The following FNIP2 variants were observed in gnomAD, a reference collection of about 807,000 sequenced individuals.
FNIP2 encodes the protein folliculin-interacting protein 2.
FNIP2 carries 32 observed loss-of-function variants against 108.7 expected under a neutral mutation model. That is an observed-to-expected ratio of 0.29 (90% confidence interval 0.22 to 0.40). The LOEUF (loss-of-function observed/expected upper bound fraction) is 0.40, where lower values mean the gene tolerates loss of function less well. FNIP2 is among the 10% of genes least tolerant of loss of function. FNIP2 has a pLI of 1.00. For missense variants in FNIP2, 1,202 were observed against 1,381.6 expected (o/e 0.87, Z 2.06); for synonymous variants, 480 against 496.7 (o/e 0.97, Z 0.45).
chr4:158,900,758 G>A (rs768942057), intron 16 of FNIP2, among the ~76,000 whole-genome samples: 10 of 152,146 alleles, frequency 6.6e-5, no homozygotes, highest in Admixed American at 1.3e-4. Context: ...CCTGAATACA[G>A]CACAATCATG....
In FNIP2 at chr4:158,776,320, A is replaced by G. The variant is rs114714461; in HGVS notation, c.107+7001A>G. 6.0e-4 allele frequency among the ~76,000 whole-genome samples: 91 copies of G among 152,368 alleles called. 1 individual carries two copies. Among genetic ancestry groups the G allele is most frequent in the African/African-American group, 2.1e-3 (89 of 41,586 alleles). On this transcript the variant is annotated intron_variant, in intron 1 of 16. Coordinates refer to ENST00000264433, the MANE Select transcript of FNIP2 (RefSeq NM_020840.3). ...ACAAGTTGAAGACAAGTTAGACGTTAACCTGCACATTCCTCAAGAGATGAA... is the reference window on the plus strand; with the variant it reads ...ACAAGTTGAAGACAAGTTAGACGTTGACCTGCACATTCCTCAAGAGATGAA...
intron 7 of FNIP2, among the ~76,000 whole-genome samples, chr4:158,846,590 G>T (rs947071951): frequency 1.3e-5 from 2 of 152,138 alleles, no homozygotes; most frequent in Non-Finnish European, 2.9e-5. Context: ...GGTCTTCTCT[G>T]TCTTGTGTTG....
intron 14 of FNIP2, among the ~76,000 whole-genome samples, chr4:158,875,125 A>G (rs2126724695): frequency 6.6e-6 from 1 of 151,950 alleles, no homozygotes; most frequent in Middle Eastern, 3.4e-3. Context: ...AAAGAAAGCT[A>G]TATGCGTATG....
intron 14 of FNIP2, among the ~76,000 whole-genome samples, chr4:158,888,631 A>T (rs1027759566): frequency 6.6e-5 from 10 of 152,158 alleles, no homozygotes; most frequent in Non-Finnish European, 1.5e-5. Flanking sequence ...TTGTGAGCCT[A>T]TAATCCCAAC....
At chr4:158,835,348 T>A in intron 6 of FNIP2, 57 bp from the exon 7 acceptor site, 1 of 1,508,200 alleles carries the variant, frequency 6.6e-7, no homozygotes, top group Admixed American at 1.7e-5. Flanking sequence ...GCAGTCATTT[T>A]AAAAACTTTA....
At chr4:158,820,419 T>C (rs1286911952) in intron 1 of FNIP2, among the ~76,000 whole-genome samples, 1 of 152,240 alleles carries the variant, frequency 6.6e-6, no homozygotes, top group Non-Finnish European at 1.5e-5. Context: ...ACTGCTCTTT[T>C]GCTTATTGGC....
intron 1 of FNIP2, among the ~76,000 whole-genome samples, chr4:158,805,762 CACTGCA>C (rs1192175702): frequency 6.6e-6 from 1 of 152,224 alleles, no homozygotes; most frequent in Admixed American, 6.5e-5. Context: ...GAAGGCAAGT[CACTGCA>C]TTGCCCAGAG....
At chr4:158,769,807 C>T (rs1317561901) in intron 1 of FNIP2, among the ~76,000 whole-genome samples, 1 of 152,124 alleles carries the variant, frequency 6.6e-6, no homozygotes, top group Non-Finnish European at 1.5e-5. Flanking sequence ...ATGACAAGCT[C>T]TCAAACGGAT....
intron 12 of FNIP2, among the ~76,000 whole-genome samples, chr4:158,867,704 T>C (rs1447287594): frequency 1.3e-5 from 2 of 152,280 alleles, no homozygotes; most frequent in Non-Finnish European, 2.9e-5. Context: ...CCCAATGTCC[T>C]GGGATTCTTC....
At chr4:158,872,811 G>A in intron 14 of FNIP2, 1 of 938,224 alleles carries the variant, frequency 1.1e-6, no homozygotes, top group Non-Finnish European at 1.3e-6. Flanking sequence ...TATTTTAGGA[G>A]TATTTGTTTA....
intron 10 of FNIP2, among the ~76,000 whole-genome samples, chr4:158,860,151 C>A (rs1471580942): frequency 2.0e-5 from 3 of 152,104 alleles, no homozygotes; most frequent in African/African-American, 7.2e-5. Flanking sequence ...CTCCTAGTAT[C>A]TGTGTGGAAA....
intron 7 of FNIP2, among the ~76,000 whole-genome samples, chr4:158,839,032 C>T (rs1201110698): frequency 2.6e-5 from 4 of 152,144 alleles, no homozygotes; most frequent in African/African-American, 9.7e-5. Flanking sequence ...GTATATATCA[C>T]CAACATTATT....
intron 1 of FNIP2, among the ~76,000 whole-genome samples, chr4:158,780,189 C>CA (rs1286117047): frequency 2.0e-5 from 3 of 150,236 alleles, no homozygotes; most frequent in African/African-American, 7.4e-5. Context: ...GCCTGGGTGA[C>CA]AGAGGGAGAC....
intron 7 of FNIP2, among the ~76,000 whole-genome samples, chr4:158,838,229 CT>C (rs550985480): frequency 0.12 from 13,909 of 117,422 alleles, 1,105 homozygotes; most frequent in African/African-American, 0.28. Context: ...TTTAGGCCTG[CT>C]TTTTTTTTTT....
At chr4:158,877,631 G>A (rs570547347) in intron 14 of FNIP2, among the ~76,000 whole-genome samples, 1 of 152,338 alleles carries the variant, frequency 6.6e-6, no homozygotes, top group East Asian at 1.9e-4. Context: ...CACTTCAGGT[G>A]GTCGAGATAA....
At chr4:158,903,700 G>A (rs1450030882) in intron 16 of FNIP2, among the ~76,000 whole-genome samples, 1 of 152,254 alleles carries the variant, frequency 6.6e-6, no homozygotes, top group East Asian at 1.9e-4. Context: ...CATTACTGGA[G>A]AAGGACTAGA....
At chr4:158,778,145 A>G (rs976910727) in intron 1 of FNIP2, among the ~76,000 whole-genome samples, 3 of 152,184 alleles carry the variant, frequency 2.0e-5, no homozygotes, top group Non-Finnish European at 4.4e-5. Flanking sequence ...AAATGTCCAG[A>G]CTGCTTCTCA....
chr4:158,902,215 CT>C (rs1333175151), intron 16 of FNIP2, among the ~76,000 whole-genome samples: 1 of 152,056 alleles, frequency 6.6e-6, no homozygotes, highest in East Asian at 1.9e-4. Flanking sequence ...CTGTTTTCTG[CT>C]TGTTAATTTT....
intron 2 of FNIP2, among the ~76,000 whole-genome samples, chr4:158,827,997 G>A (rs920487360): frequency 2.6e-5 from 4 of 152,084 alleles, no homozygotes; most frequent in African/African-American, 7.2e-5. Context: ...AAAAAAAAAG[G>A]CAAAGAAGAC....
Sources: gnomAD v4.1 joint callset for allele counts (sites outside exome capture counted in the v4.1 genomes callset) on GRCh38, gnomAD v4.1.1 for gene constraint, MANE v1.5 for transcripts, NCBI Gene and HGNC (gene_info 2026-07-23, HGNC 2026-07-21) for gene names.